ITPR2: variants seen among roughly 807,000 people sequenced by gnomAD.
ITPR2 encodes the protein inositol 1,4,5-trisphosphate receptor type 2.
ITPR2 carries 207 observed loss-of-function variants against 317.1 expected under a neutral mutation model. The observed-to-expected ratio is 0.65, with a 90% CI of 0.58 to 0.73. The LOEUF (loss-of-function observed/expected upper bound fraction) is 0.73. Among genes scored for constraint, ITPR2 ranks in the 30% least tolerant of loss-of-function variants. The pLI is 0.00. For synonymous variants in ITPR2, 1,156 were observed against 1,149.1 expected (o/e 1.01, Z -0.12); for missense variants, 2,613 against 3,284.0 (o/e 0.80, Z 4.99).
chr12:26,438,450 T>C (rs1429666116), intron 47 of ITPR2, among the ~76,000 whole-genome samples: 2 of 152,168 alleles, frequency 1.3e-5, no homozygotes, highest in African/African-American at 4.8e-5. Flanking sequence ...GTTTCCCCCA[T>C]TGACTTTCGT....
chr12:26,639,084 G>A (rs1946924953), intron 21 of ITPR2, among the ~76,000 whole-genome samples: 4 of 152,238 alleles, frequency 2.6e-5, no homozygotes, highest in South Asian at 4.2e-4. Flanking sequence ...AAATTAGATT[G>A]AGTCATAAGA....
chr12:26,602,732 T>C, intron 26 of ITPR2, 26 bp from the exon 27 acceptor site: 1 of 1,313,138 alleles, frequency 7.6e-7, no homozygotes, highest in Non-Finnish European at 1.1e-6. Context: ...ATATGTACTT[T>C]TATGCCATTT....
At chr12:26,460,128 C>T (rs372377105) in intron 45 of ITPR2, among the ~76,000 whole-genome samples, 2 of 152,194 alleles carry the variant, frequency 1.3e-5, no homozygotes, top group African/African-American at 4.8e-5. Context: ...TCTCCCTGCC[C>T]CTGGGATACA....
chr12:26,679,515 T>TA (rs2136956940), intron 13 of ITPR2, among the ~76,000 whole-genome samples: 1 of 152,244 alleles, frequency 6.6e-6, no homozygotes, highest in South Asian at 2.1e-4. Flanking sequence ...CCCTCCCCTC[T>TA]AAGAAGAAAC....
Position 26,597,089 on chromosome 12 carries a change from C to T in ITPR2, c.4048G>A (p.Ala1350Thr), listed in dbSNP as rs1189814382. The change falls in exon 31 of 57, where the codon GCA (alanine) becomes ACA (threonine). Residue 1350 changes from alanine to threonine, a missense_variant. Transcript: ENST00000381340. The stretch of plus-strand genomic sequence containing the variant: ...ATATGGAGAAGGATTGGAAATGATG[C>T]TCTATCATTGTAAAATATCAGCACG... ...EDVLIFYNDR[A>T]SFPILLHMMC... 1.2e-6 allele frequency: 2 copies of T among 1,613,386 alleles called. No individual in the cohort carries two copies. Among genetic ancestry groups the T allele is most frequent in the Non-Finnish European group, 1.7e-6 (2 of 1,179,400 alleles).
At chr12:26,399,149 T>A (rs921719372) in intron 53 of ITPR2, 108 bp from the exon 54 acceptor site, 6 of 817,720 alleles carry the variant, frequency 7.3e-6, no homozygotes, top group East Asian at 3.3e-5. Flanking sequence ...ATAAATAGTA[T>A]CCCAAGTTGG....
chr12:26,395,569 A>G (rs1939972248), intron 54 of ITPR2, among the ~76,000 whole-genome samples: 2 of 150,276 alleles, frequency 1.3e-5, no homozygotes, highest in African/African-American at 4.9e-5. Context: ...GTAGTGTACC[A>G]ACATGATGAT....
intron 37 of ITPR2, among the ~76,000 whole-genome samples, chr12:26,543,025 T>C (rs1944302495): frequency 6.6e-6 from 1 of 152,252 alleles, no homozygotes; most frequent in Non-Finnish European, 1.5e-5. Context: ...ATGATTTATA[T>C]ATGTTTTTCC....
chr12:26,365,338 A>T (rs1279351767), intron 55 of ITPR2, among the ~76,000 whole-genome samples: 1 of 152,232 alleles, frequency 6.6e-6, no homozygotes, highest in Non-Finnish European at 1.5e-5. Flanking sequence ...CAAACATTCC[A>T]GGATTCAAGA....
chr12:26,484,075 CTA>C (rs201033042), intron 41 of ITPR2, among the ~76,000 whole-genome samples, 177 bp from the exon 42 acceptor site: 8 of 149,440 alleles, frequency 5.4e-5, no homozygotes, highest in Admixed American at 6.7e-5. Flanking sequence ...CCCCAAGCAT[CTA>C]TATATATATA....
intron 2 of ITPR2, among the ~76,000 whole-genome samples, chr12:26,772,646 G>A (rs547041294): frequency 8.1e-5 from 12 of 148,908 alleles, no homozygotes; most frequent in Admixed American, 1.4e-4. Context: ...CTGAACTGTA[G>A]CAACTACTTC....
intron 37 of ITPR2, among the ~76,000 whole-genome samples, chr12:26,503,363 T>A (rs1943117167): frequency 6.6e-6 from 1 of 152,182 alleles, no homozygotes; most frequent in African/African-American, 2.4e-5. Context: ...AAGCTAAATT[T>A]TAATAAATTC....
At position 26,695,142 on chromosome 12, in the gene ITPR2, C is replaced by T. The variant is rs777859043; in HGVS notation, c.996+464G>A. On this transcript the variant is annotated intron_variant, in intron 10 of 56. Coordinates refer to ENST00000381340, the MANE Select transcript of ITPR2 (RefSeq NM_002223.4). ...CTCCTAAGAAAATTGAATTACAGAC[C>T]GTATCTAGATTACGCCAAAATATCT... 5.9e-5 allele frequency among the ~76,000 whole-genome samples: 9 copies of T among 152,148 alleles called. No individual in the cohort carries two copies. The East Asian group carries it at 9.6e-4, about 16-fold the overall frequency.
chr12:26,350,645 A>G (rs1565483699), intron 55 of ITPR2, among the ~76,000 whole-genome samples: 1 of 152,086 alleles, frequency 6.6e-6, no homozygotes, highest in East Asian at 1.9e-4. Flanking sequence ...CTGTGGTGGC[A>G]AGTGGTGGGT....
rs1591942938 is a variant in ITPR2, at chr12:26,336,957, G to A, written c.*2440C>T. On this transcript the variant is annotated 3_prime_UTR_variant, in exon 57 of 57. Coordinates refer to ENST00000381340, the MANE Select transcript of ITPR2 (RefSeq NM_002223.4). Reference sequence around the variant, plus strand: ...TGATGTTCTGAAAAGTGCCTTTTTTGTCTGCTTCGATTTTTTGTTGCTGTT... The same window carrying A: ...TGATGTTCTGAAAAGTGCCTTTTTTATCTGCTTCGATTTTTTGTTGCTGTT... 7.5e-6 allele frequency: 1 copy of A among 132,908 alleles called. No homozygotes were observed. Among genetic ancestry groups the A allele is most frequent in the Non-Finnish European group, 1.6e-5 (1 of 61,534 alleles). The allele number at this position is 132,908 out of a possible 1,614,324, so 8.2% of individuals were successfully genotyped here.
chr12:26,416,960 G>A (rs7296410), intron 50 of ITPR2, among the ~76,000 whole-genome samples: 60,088 of 151,956 alleles, frequency 0.4, 13,397 homozygotes, highest in Non-Finnish European at 0.52. Context: ...CCTGGGTTCC[G>A]TTCTAGGCCC....
intron 55 of ITPR2, among the ~76,000 whole-genome samples, chr12:26,349,258 G>C (rs1938404652): frequency 6.6e-6 from 1 of 152,158 alleles, no homozygotes; most frequent in South Asian, 2.1e-4. Flanking sequence ...AGTGAATTTT[G>C]CTCCATTAGA....
intron 49 of ITPR2, 24 bp downstream of exon 49, chr12:26,427,889 T>A (rs911827089): frequency 2.0e-6 from 3 of 1,484,036 alleles, no homozygotes; most frequent in Admixed American, 4.5e-5. Flanking sequence ...TCTGTAACAG[T>A]ACAAAGCTAA....
intron 52 of ITPR2, among the ~76,000 whole-genome samples, chr12:26,404,278 C>T (rs1458092952): frequency 6.6e-6 from 1 of 152,110 alleles, no homozygotes; most frequent in East Asian, 1.9e-4. Flanking sequence ...AAAGGATCGT[C>T]CCATTAGACC....
Sources: gnomAD v4.1 joint callset for allele counts (sites outside exome capture counted in the v4.1 genomes callset) on GRCh38, gnomAD v4.1.1 for gene constraint, MANE v1.5 for transcripts, NCBI Gene and HGNC (gene_info 2026-07-23, HGNC 2026-07-21) for gene names.